Variants in ADD3 observed in about 807,000 individuals in gnomAD.
ADD3 encodes the protein adducin 3.
A neutral mutation model predicts 80.2 loss-of-function variants in ADD3; 25 were observed. The ratio of observed to expected loss-of-function variants is 0.31; its 90% CI spans 0.23 to 0.44. ADD3 has a LOEUF of 0.44. ADD3 is among the 20% of genes least tolerant of loss of function. The pLI, the probability that ADD3 is intolerant of heterozygous loss-of-function variation, is 1.00. For synonymous variants in ADD3, 284 were observed against 289.6 expected, an observed-to-expected ratio of 0.98 and a Z score of 0.20; for missense variants, 829 against 847.5, an observed-to-expected ratio of 0.98 and a Z score of 0.27.
At chr10:109,996,539 C>A (rs1416972885) in intron 1 of ADD3, 1 of 152,184 alleles carries the variant, frequency 6.6e-6, no homozygotes, top group Non-Finnish European at 1.5e-5. Flanking sequence ...GGATTTAACT[C>A]AAATGATTAA....
chr10:110,058,910 T>C (rs1176085626), intron 1 of ADD3, among the ~76,000 whole-genome samples: 1 of 152,228 alleles, frequency 6.6e-6, no homozygotes, highest in African/African-American at 2.4e-5. Flanking sequence ...GCAAAAGTTT[T>C]CCCAGTGCCT....
At position 110,125,918 on chromosome 10, in the gene ADD3, G is replaced by T. The variant is rs138443686; in HGVS notation, c.1494G>T (p.Pro498=). The T allele has an allele frequency of 2.5e-6, 4 of 1,607,788 alleles. No homozygotes were observed. In the African/African-American group the frequency reaches 5.3e-5, roughly 21 times the overall value. ...AGTTTGTTCCTTTAAACACAAACCC[G>T]AATGAGGTACTAGAAAAGAGAAATA... ...PNQFVPLNTN[P]NEVLEKRNKI... is the part of the protein sequence containing the mutation. The change falls in exon 11 of 15, where the codon CCG becomes CCT. Residue 498 remains proline (P), a synonymous_variant. Coordinates refer to ENST00000356080, the MANE Select transcript of ADD3 (RefSeq NM_016824.5).
intron 1 of ADD3, among the ~76,000 whole-genome samples, chr10:110,091,365 A>G (rs1190779183): frequency 1.3e-5 from 2 of 152,170 alleles, no homozygotes; most frequent in Non-Finnish European, 2.9e-5. Flanking sequence ...AGACAAATTT[A>G]TTAAACCTCA....
chr10:110,026,575 C>T (rs567171909), intron 1 of ADD3, among the ~76,000 whole-genome samples: 8 of 152,152 alleles, frequency 5.3e-5, no homozygotes, highest in South Asian at 2.1e-4. Flanking sequence ...CCACCACACC[C>T]GGCTGATTGT....
intron 2 of ADD3, among the ~76,000 whole-genome samples, chr10:110,110,872 A>G (rs1247218401): frequency 3.3e-5 from 5 of 151,972 alleles, no homozygotes; most frequent in South Asian, 4.1e-4. Flanking sequence ...GTGCACACCT[A>G]TAATCCCAGC....
At chr10:110,130,983 T>C (rs1271587584) in intron 13 of ADD3, among the ~76,000 whole-genome samples, 1 of 152,228 alleles carries the variant, frequency 6.6e-6, no homozygotes, top group Non-Finnish European at 1.5e-5. Context: ...GATAAATTAA[T>C]GGATTTAAAC....
In ADD3 at chr10:110,119,723, CTTGAA is replaced by C. The variant is rs933610985; in HGVS notation, c.960+165_960+169del. ...GGCAGGGTTTTCAACTCAGTTATCT[CTTGAA>C]TTGAAAATAGGAGTAAAGGAAATTA... On this transcript the variant is annotated intron_variant, in intron 8 of 14. Transcript: ENST00000356080. The C allele has an allele frequency of 2.8e-5, 17 of 601,548 alleles. No homozygotes were observed. The African/African-American group carries it at 3.0e-4, about 11-fold the overall frequency. The allele number at this position is 601,548 out of a possible 1,614,324, so 37.3% of individuals were successfully genotyped here.
intron 1 of ADD3, among the ~76,000 whole-genome samples, chr10:110,070,692 C>G (rs901110149): frequency 6.6e-6 from 1 of 152,046 alleles, no homozygotes; most frequent in African/African-American, 2.4e-5. Flanking sequence ...TGGAAAAACA[C>G]ATTAAGATGC....
At chr10:110,070,008 G>A (rs200926799) in intron 1 of ADD3, among the ~76,000 whole-genome samples, 2 of 152,222 alleles carry the variant, frequency 1.3e-5, no homozygotes, top group East Asian at 3.9e-4. Context: ...GTTGTAATCT[G>A]TGATACTTTT....
intron 1 of ADD3, among the ~76,000 whole-genome samples, chr10:110,066,471 G>A (rs1201613202): frequency 6.6e-6 from 1 of 152,130 alleles, no homozygotes; most frequent in Non-Finnish European, 1.5e-5. Context: ...CTGACCTCGT[G>A]ATCCACCCTC....
At chr10:110,053,437 T>C (rs1167878834) in intron 1 of ADD3, among the ~76,000 whole-genome samples, 1 of 152,160 alleles carries the variant, frequency 6.6e-6, no homozygotes, top group African/African-American at 2.4e-5. Context: ...TCTATGTGTT[T>C]AAATTTTATG....
chr10:110,135,187 C>T lies in ADD3; in HGVS notation c.*1569C>T, dbSNP rs981002656. 5 of 152,458 alleles carry T rather than the reference C, an allele frequency of 3.3e-5. No individual in the cohort carries two copies. The highest frequency in any genetic ancestry group is 1.2e-4 in the African/African-American group (5 of 41,406). The allele number at this position is 152,458 out of a possible 1,614,324, so 9.4% of individuals were successfully genotyped here. A position where few individuals can be genotyped will look rare whatever the true frequency, so the allele number is the denominator to read the frequency against. ...CCTGGAAATGTCATTCTAGATCTCA[C>T]TAACTACTGGAATCAGTGTTTTAAT... On this transcript the variant is annotated 3_prime_UTR_variant, in exon 15 of 15. Transcript: ENST00000356080.
rs1445151729 is a variant in ADD3 at position 110,112,798 on chromosome 10, T to C, written c.217T>C (p.Cys73Arg). 2 of 1,613,818 alleles carry C rather than the reference T, an allele frequency of 1.2e-6. No homozygotes were observed. Among genetic ancestry groups the C allele is most frequent in the Non-Finnish European group, 1.7e-6 (2 of 1,179,910 alleles). ...ACAGGCCTTTCGGGAAGACTTGGAA[T>C]GCCTTATTCAAGAACAGATGAAGAA... ...QSPAFREDLE[C>R]LIQEQMKKGH... is the part of the protein sequence containing the mutation. Residue 73 changes from cysteine to arginine, a missense_variant, in exon 3 of 15, where the codon TGC becomes CGC. Coordinates refer to ENST00000356080, the MANE Select transcript of ADD3 (RefSeq NM_016824.5).
intron 1 of ADD3, among the ~76,000 whole-genome samples, chr10:110,089,064 A>G (rs754986264): frequency 3.3e-5 from 5 of 152,142 alleles, no homozygotes; most frequent in African/African-American, 4.8e-5. Context: ...TAAATTTCCT[A>G]TATTATTTGT....
At chr10:110,019,047 A>G (rs1853336998) in intron 1 of ADD3, among the ~76,000 whole-genome samples, 1 of 152,176 alleles carries the variant, frequency 6.6e-6, no homozygotes, top group Admixed American at 6.5e-5. Context: ...TGGGGAAGAG[A>G]TGTACGATTT....
chr10:110,002,076 C>T (rs1851496971), upstream of ADD3, among the ~76,000 whole-genome samples: 1 of 151,918 alleles, frequency 6.6e-6, no homozygotes, highest in Non-Finnish European at 1.5e-5. Flanking sequence ...GCAGATCGCT[C>T]GAGGCCAGGA....
At chr10:110,022,137 ATTT>A (rs200003189) in intron 1 of ADD3, among the ~76,000 whole-genome samples, 1 of 150,006 alleles carries the variant, frequency 6.7e-6, no homozygotes, top group Non-Finnish European at 1.5e-5. Flanking sequence ...GGTGAGTCTA[ATTT>A]TTTTTTTAAC....
chr10:110,027,188 A>T (rs1854415120), intron 1 of ADD3, among the ~76,000 whole-genome samples: 1 of 152,222 alleles, frequency 6.6e-6, no homozygotes, highest in Non-Finnish European at 1.5e-5. Flanking sequence ...GCCATTTCTG[A>T]TGAGAGTAAT....
intron 12 of ADD3, among the ~76,000 whole-genome samples, chr10:110,127,253 A>G (rs1200204412): frequency 2.7e-5 from 4 of 150,804 alleles, no homozygotes; most frequent in African/African-American, 9.8e-5. Flanking sequence ...CCCTACTCTC[A>G]CCTTGCCTTT....
Sources: gnomAD v4.1 joint callset for allele counts (sites outside exome capture counted in the v4.1 genomes callset) on GRCh38, gnomAD v4.1.1 for gene constraint, MANE v1.5 for transcripts, NCBI Gene and HGNC (gene_info 2026-07-23, HGNC 2026-07-21) for gene names.